SRFBP1: variants seen among roughly 807,000 people sequenced by gnomAD.
SRFBP1 encodes serum response factor binding protein 1.
Under a neutral mutation model 45.5 loss-of-function variants are expected in SRFBP1, and 47 were observed. The ratio of observed to expected loss-of-function variants is 1.03; its 90% CI spans 0.82 to 1.32. SRFBP1 has a LOEUF of 1.32. Among genes scored for constraint, SRFBP1 ranks in the 40% most tolerant of loss-of-function variants. The pLI, the probability that SRFBP1 is intolerant of heterozygous loss-of-function variation, is 0.00. For synonymous variants in SRFBP1, 203 were observed against 166.3 expected (o/e 1.22, Z -1.70); for missense variants, 621 against 484.6 (o/e 1.28, Z -2.64).
intron 2 of SRFBP1, chr5:122,066,573 G>A (rs973287348): frequency 8.9e-5 from 46 of 514,434 alleles, no homozygotes; most frequent in Non-Finnish European, 1.3e-4. Context: ...TGACTTAAGC[G>A]TTCAAAATCC....
In SRFBP1 at chr5:122,020,702, C is replaced by T. The variant is rs376143989; in HGVS notation, c.967C>T (p.His323Tyr). The T allele has an allele frequency of 9.3e-6, 15 of 1,613,396 alleles. No individual in the cohort carries two copies. Among genetic ancestry groups the T allele is most frequent in the Non-Finnish European group, 1.2e-5 (14 of 1,179,870 alleles). ...VFLKEDTGETHGDTRNDKIKP... is the reference protein window; with the variant it reads ...VFLKEDTGETYGDTRNDKIKP... Reference sequence around the variant, plus strand: ...TCTTAAAGAAGATACAGGTGAAACTCATGGGGATACAAGAAATGACAAAAT... The same window carrying T: ...TCTTAAAGAAGATACAGGTGAAACTTATGGGGATACAAGAAATGACAAAAT... Residue 323 changes from histidine (H) to tyrosine (Y), a missense_variant, in exon 6 of 8, where the codon CAT becomes TAT. By Grantham distance (83) the His-to-Tyr change is moderately conservative (BLOSUM62 2). Transcript: ENST00000339397.
At chr5:121,964,698 G>A (rs574214054) in intron 1 of SRFBP1, among the ~76,000 whole-genome samples, 319 of 152,218 alleles carry the variant, frequency 2.1e-3, no homozygotes, top group African/African-American at 5.5e-3. Context: ...TAATCCTTAG[G>A]TATATAGCCA....
intron 4 of SRFBP1, among the ~76,000 whole-genome samples, chr5:122,001,050 G>T (rs1392740914): frequency 1.3e-5 from 2 of 151,938 alleles, no homozygotes; most frequent in Admixed American, 6.5e-5. Context: ...ACCATTAAAG[G>T]TCCCTTCTCC....
intron 1 of SRFBP1, among the ~76,000 whole-genome samples, chr5:121,962,794 T>C (rs1391649666): frequency 6.6e-6 from 1 of 152,204 alleles, no homozygotes; most frequent in Non-Finnish European, 1.5e-5. Context: ...TAAAGTAAGC[T>C]GGAAACATAA....
chr5:122,005,251 C>T (rs914995138), intron 4 of SRFBP1, among the ~76,000 whole-genome samples: 11 of 151,998 alleles, frequency 7.2e-5, no homozygotes. Context: ...GTATTGAAGT[C>T]CTCTATTATT....
intron 4 of SRFBP1, among the ~76,000 whole-genome samples, chr5:122,015,086 G>A (rs1159579093): frequency 2.0e-5 from 3 of 152,144 alleles, no homozygotes; most frequent in African/African-American, 4.8e-5. Flanking sequence ...GCAGTAAAAG[G>A]TAAAAAGCTG....
intron 7 of SRFBP1, among the ~76,000 whole-genome samples, chr5:122,024,261 T>C (rs1753422214): frequency 6.6e-6 from 1 of 152,246 alleles, no homozygotes; most frequent in Admixed American, 6.5e-5. Flanking sequence ...ACAACAGTTT[T>C]ACCTATTTCT....
chr5:122,030,377 A>G (rs1437095603), downstream of SRFBP1, among the ~76,000 whole-genome samples: 1 of 152,216 alleles, frequency 6.6e-6, no homozygotes, highest in East Asian at 1.9e-4. Flanking sequence ...CCAACAGCCC[A>G]TGATCATAGT....
intron 2 of SRFBP1, among the ~76,000 whole-genome samples, chr5:122,053,841 AC>A (rs1050955783): frequency 6.6e-6 from 1 of 151,966 alleles, no homozygotes; most frequent in Non-Finnish European, 1.5e-5. Context: ...AGGTGGAGTC[AC>A]ATGCCCTGCC....
chr5:122,065,792 G>A (rs1430806773), intron 2 of SRFBP1: 1 of 151,990 alleles, frequency 6.6e-6, no homozygotes, highest in African/African-American at 2.4e-5. Flanking sequence ...TGTGGTTTGG[G>A]GGGGACTTGT....
At chr5:121,965,391 T>C (rs1752041476) in intron 1 of SRFBP1, among the ~76,000 whole-genome samples, 1 of 152,202 alleles carries the variant, frequency 6.6e-6, no homozygotes, top group Non-Finnish European at 1.5e-5. Context: ...GGGGTCCAGT[T>C]TCAGTTTTCT....
chr5:121,976,095 T>C (rs1752296906), intron 3 of SRFBP1, among the ~76,000 whole-genome samples: 1 of 152,022 alleles, frequency 6.6e-6, no homozygotes, highest in African/African-American at 2.4e-5. Context: ...GGTATAACTT[T>C]CAAGTTTTGA....
At chr5:122,068,884 T>C (rs1754374367) in intron 2 of SRFBP1, among the ~76,000 whole-genome samples, 1 of 152,042 alleles carries the variant, frequency 6.6e-6, no homozygotes, top group Admixed American at 6.6e-5. Flanking sequence ...AACTAATCTG[T>C]TTATTTAAGT....
chr5:122,077,627 G>A (rs376794473), downstream of SRFBP1: 7 of 1,611,480 alleles, frequency 4.3e-6, no homozygotes, highest in Non-Finnish European at 5.1e-6. This position sits in a 1 kb window ranked among gnomAD's most constrained non-coding sequence, Gnocchi z 4.9. Context: ...GTGACGGGCG[G>A]TGGGCCTGGG....
chr5:122,034,616 A>G lies in SRFBP1; in HGVS notation n.311+12209A>G, dbSNP rs944932670. Among the ~76,000 whole-genome samples the G allele has an allele frequency of 4.6e-5, 7 of 152,158 alleles. No individual in the cohort carries two copies. The East Asian group carries it at 9.6e-4, about 21-fold the overall frequency. On this transcript the variant is annotated intron_variant and non_coding_transcript_variant, in intron 2 of 2. Coordinates refer to the SRFBP1 transcript ENST00000504881. Reference sequence around the variant, plus strand: ...TTTATTCATCAGAACATACAGCACAAAACAAATAGCATTATCATATAACCT... The same window carrying G: ...TTTATTCATCAGAACATACAGCACAGAACAAATAGCATTATCATATAACCT...
chr5:121,963,711 C>T (rs146133195), intron 1 of SRFBP1, among the ~76,000 whole-genome samples: 5 of 152,214 alleles, frequency 3.3e-5, no homozygotes, highest in East Asian at 1.9e-4. Context: ...ATGTGTAGCA[C>T]ATATGTTTAC....
chr5:121,989,055 A>G (rs1561581808), intron 3 of SRFBP1, among the ~76,000 whole-genome samples: 3 of 151,020 alleles, frequency 2.0e-5, no homozygotes. Context: ...AGATATTGGA[A>G]TTTGTTTGTT....
At chr5:122,062,934 G>A (rs1174505583) in intron 2 of SRFBP1, among the ~76,000 whole-genome samples, 1 of 151,918 alleles carries the variant, frequency 6.6e-6, no homozygotes, top group Non-Finnish European at 1.5e-5. Flanking sequence ...AATTAAAGCA[G>A]TGTGATTGTT....
At position 122,020,206 on chromosome 5, in the gene SRFBP1, T is replaced by C. The variant is rs200460481; in HGVS notation, c.471T>C (p.Asn157=). 1,913 of 1,613,188 alleles carry C rather than the reference T, an allele frequency of 1.2e-3. 39 individuals carry two copies. The South Asian group carries it at 0.019, about 16-fold the overall frequency. Residue 157 remains asparagine (N), a synonymous_variant, in exon 6 of 8, where the codon AAT becomes AAC. Coordinates refer to ENST00000339397, the MANE Select transcript of SRFBP1 (RefSeq NM_152546.3). The part of the protein sequence containing the change: ...NTLYSNDNGS[N]LQREATVISE... ...TGTATTCAAATGATAATGGAAGTAATTTACAGCGTGAAGCAACTGTCATCA... is the reference window on the plus strand; with the variant it reads ...TGTATTCAAATGATAATGGAAGTAACTTACAGCGTGAAGCAACTGTCATCA...
Sources: allele counts gnomAD v4.1 joint callset (sites outside exome capture counted in the v4.1 genomes callset), GRCh38; gene constraint gnomAD v4.1.1; non-coding constraint Gnocchi (gnomAD v3.1); transcripts MANE v1.5; gene names NCBI Gene and HGNC (gene_info 2026-07-23, HGNC 2026-07-21).